ATP1B4: variants seen among roughly 807,000 people sequenced by gnomAD.
The protein encoded by ATP1B4 is ATPase Na+/K+ transporting family member beta 4.
In ATP1B4, 32 loss-of-function variants were observed where a neutral mutation model predicts 29.6. The observed-to-expected ratio is 1.08, with a 90% CI of 0.82 to 1.45. The LOEUF is 1.45. Ranked by LOEUF, ATP1B4 falls within the 40% of genes most tolerant of loss-of-function variation. The pLI, the probability that ATP1B4 is intolerant of heterozygous loss-of-function variation, is 0.00. For missense variants in ATP1B4, 323 were observed against 276.2 expected, an observed-to-expected ratio of 1.17 and a Z score of -1.20; for synonymous variants, 127 against 102.1, an observed-to-expected ratio of 1.24 and a Z score of -1.47.
rs1419655828 is a variant in ATP1B4 at position 120,382,873 on chromosome X, T to G, written c.*3239T>G. The G allele has an allele frequency of 8.9e-6, 1 of 112,210 alleles. No homozygotes were observed. Among genetic ancestry groups the G allele is most frequent in the Non-Finnish European group, 1.9e-5 (1 of 53,235 alleles). 9.2% of individuals were successfully genotyped at this position (112,210 alleles called of 1,213,427 possible). A position where few individuals can be genotyped will look rare whatever the true frequency, so the allele number is the denominator to read the frequency against. The stretch of plus-strand genomic sequence containing the variant: ...CAGCTAGGACATGAAAAATGTAGGT[T>G]TACTATACAGAACTGGATATGATAA... On this transcript the variant is annotated 3_prime_UTR_variant, in exon 8 of 8. Transcript: ENST00000218008.
In ATP1B4 at chrX:120,382,819, T is replaced by C. The variant is rs1226597864; in HGVS notation, c.*3185T>C. On this transcript the variant is annotated 3_prime_UTR_variant, in exon 8 of 8. Coordinates refer to ENST00000218008, the MANE Select transcript of ATP1B4 (RefSeq NM_001142447.3). ...TTGTGTCCACAATTGCAAAGCAATA[T>C]TGAAGGGTACTAAGATAGTTTGGGT... 8.9e-6 allele frequency: 1 copy of C among 112,250 alleles called. No homozygotes were observed. Among genetic ancestry groups the C allele is most frequent in the Non-Finnish European group, 1.9e-5 (1 of 53,202 alleles). 9.3% of individuals were successfully genotyped at this position (112,250 alleles called of 1,213,427 possible).
At chrX:120,365,783 A>G (rs1301379659) in intron 1 of ATP1B4, among the ~76,000 whole-genome samples, 1 of 112,420 alleles carries the variant, frequency 8.9e-6, no homozygotes, top group African/African-American at 3.2e-5. Context: ...GGCTGCAATC[A>G]GTCAATCAAC....
At chrX:120,373,952 C>T (rs1224837395) in intron 4 of ATP1B4, among the ~76,000 whole-genome samples, 1 of 109,387 alleles carries the variant, frequency 9.1e-6, no homozygotes, top group Non-Finnish European at 1.9e-5. Flanking sequence ...TTCCACTTTC[C>T]TTCTGTCTCA....
intron 1 of ATP1B4, among the ~76,000 whole-genome samples, chrX:120,363,299 AC>A (rs1486368448): frequency 8.9e-6 from 1 of 112,268 alleles, no homozygotes; most frequent in African/African-American, 3.2e-5. Flanking sequence ...AATTTGAAGA[AC>A]CGTTTAACTT....
chrX:120,371,304 C>G, intron 4 of ATP1B4, 94 bp downstream of exon 4: 1 of 664,318 alleles, frequency 1.5e-6, no homozygotes, highest in Non-Finnish European at 2.4e-6. Context: ...GAATCCCAGT[C>G]TTACTAACCC....
In ATP1B4 at chrX:120,378,692, TG is replaced by T. The variant is rs1422715213; in HGVS notation, c.832del (p.Asp278ThrfsTer25). 1 of 1,208,188 alleles carries T rather than the reference TG, an allele frequency of 8.3e-7. No homozygotes were observed. Among genetic ancestry groups the T allele is most frequent in the African/African-American group, 1.8e-5 (1 of 56,935 alleles). On this transcript the variant is annotated frameshift_variant, in exon 7 of 8. Coordinates refer to ENST00000218008, the MANE Select transcript of ATP1B4 (RefSeq NM_001142447.3). LOFTEE classifies it high-confidence loss of function. ...TTTGCTTACAGAGAGGTGATGAAAA[TG>T]ACATCCGATCCATCAGTTACTACCC... ...SCKVQRGDENDIRSISYYPES... is the reference protein window; with the variant it reads ...SCKVQRGDENXIRSISYYPES...
Position 120,379,682 on chromosome X carries a change from T to C in ATP1B4, c.*48T>C. On this transcript the variant is annotated 3_prime_UTR_variant, in exon 8 of 8. Coordinates refer to ENST00000218008, the MANE Select transcript of ATP1B4 (RefSeq NM_001142447.3). ...CCAGTTCTGTTTCTGTTTTATCTCA[T>C]GGTATCTCTGGTAGCACCTGAATTC... 5 of 1,112,215 alleles carry C rather than the reference T, an allele frequency of 4.5e-6. No homozygotes were observed. Among genetic ancestry groups the C allele is most frequent in the Non-Finnish European group, 6.0e-6 (5 of 829,706 alleles). The allele number at this position is 1,112,215 out of a possible 1,213,427, so 91.7% of individuals were successfully genotyped here.
At position 120,370,832 on chromosome X, in the gene ATP1B4, T is replaced by G; in HGVS notation, c.446T>G (p.Val149Gly). 1 of 1,210,427 alleles carries G rather than the reference T, an allele frequency of 8.3e-7. No homozygotes were observed. ...SPYIPTFTERVKPPGVMIRPF... is the reference protein window; with the variant it reads ...SPYIPTFTERGKPPGVMIRPF... ...TATATACCAACCTTCACGGAGCGGG[T>G]AAAGCCTCCTGGTGAGTGTGCCCAG... Residue 149 changes from valine (V) to glycine (G), a missense_variant, in exon 3 of 8, where the codon GTA becomes GGA. Coordinates refer to ENST00000218008, the MANE Select transcript of ATP1B4 (RefSeq NM_001142447.3).
intron 2 of ATP1B4, among the ~76,000 whole-genome samples, chrX:120,367,463 A>G (rs1397447820): frequency 9.0e-6 from 1 of 111,686 alleles, no homozygotes; most frequent in African/African-American, 3.3e-5. Context: ...ACATGCTGCC[A>G]TTATTTTTAC....
Position 120,371,205 on chromosome X carries a change from T to C in ATP1B4, c.557T>C (p.Leu186Pro). The C allele has an allele frequency of 8.3e-7, 1 of 1,199,271 alleles. No individual in the cohort carries two copies. The highest frequency in any genetic ancestry group is 1.8e-5 in the South Asian group (1 of 56,685). ...TATGTGATTAGCCTAAATGGCTTTC[T>C]CCAGGGTAAGTAAGTTCGTCTGAAT... is the stretch of plus-strand genomic sequence containing the variant. ...QHYVISLNGF[L>P]QGYNDSLQEE... Residue 186 changes from leucine (L) to proline (P), a missense_variant, in exon 4 of 8, where the codon CTC (leucine) becomes CCC (proline). Transcript: ENST00000218008.
chrX:120,376,996 T>C lies in ATP1B4; in HGVS notation c.816+560T>C, dbSNP rs894102324. On this transcript the variant is annotated intron_variant, in intron 6 of 7. Transcript: ENST00000218008. ...TAACTTCTATCTCATCTGCACCAAT[T>C]AGCTCCCTTGTAGGAAAAAGCCCTT... Among the ~76,000 whole-genome samples, 5 of 112,096 alleles carry C rather than the reference T, an allele frequency of 4.5e-5. No homozygotes were observed. In the East Asian group the frequency reaches 1.4e-3, roughly 31 times the overall value.
rs184269379 is a variant in ATP1B4 at position 120,367,142 on chromosome X, A to G, written c.328+353A>G. On this transcript the variant is annotated intron_variant, in intron 2 of 7. Transcript: ENST00000218008. ...TCATCATTTCCCCTCTCTGAGCCTC[A>G]GTTTCCTCACATGCCAAATGAGGAA... 3.6e-3 allele frequency among the ~76,000 whole-genome samples: 404 copies of G among 112,376 alleles called. 3 individuals are homozygous for G. Among genetic ancestry groups the G allele is most frequent in the Admixed American group, 7.6e-3 (81 of 10,663 alleles).
At chrX:120,365,641 T>C (rs1467986617) in intron 1 of ATP1B4, among the ~76,000 whole-genome samples, 3 of 112,408 alleles carry the variant, frequency 2.7e-5, no homozygotes, top group Non-Finnish European at 5.6e-5. Flanking sequence ...AAGATACAAC[T>C]CTCTGGCCTG....
At chrX:120,375,866 G>T (rs2058351866) in intron 5 of ATP1B4, among the ~76,000 whole-genome samples, 1 of 110,638 alleles carries the variant, frequency 9.0e-6, no homozygotes, top group Non-Finnish European at 1.9e-5. Flanking sequence ...TACTCGGGAG[G>T]CTGAGGAAGG....
intron 1 of ATP1B4, among the ~76,000 whole-genome samples, chrX:120,362,939 C>T (rs766072757): frequency 2.3e-4 from 26 of 112,805 alleles, no homozygotes; most frequent in Non-Finnish European, 3.2e-4. Flanking sequence ...CTGACTGCCA[C>T]CCCACACTGC....
At chrX:120,376,916 G>A (rs190891330) in intron 6 of ATP1B4, among the ~76,000 whole-genome samples, 2 of 112,455 alleles carry the variant, frequency 1.8e-5, no homozygotes, top group Non-Finnish European at 3.8e-5. Flanking sequence ...GACTACATGG[G>A]AAGTATAAAC....
chrX:120,368,480 A>G, intron 2 of ATP1B4, among the ~76,000 whole-genome samples: 1 of 111,322 alleles, frequency 9.0e-6, no homozygotes, highest in Middle Eastern at 4.6e-3. Context: ...ATTCTTGGAA[A>G]CTCTATGTTA....
At position 120,362,777 on chromosome X, in the gene ATP1B4, G is replaced by C. The variant is rs181896239; in HGVS notation, c.63+546G>C. ...CAGAACCCCTCATTACCTAAAGGAG[G>C]CTGCTGTGGCTCAGAGTACAGGAGT... On this transcript the variant is annotated intron_variant, in intron 1 of 7. Coordinates refer to ENST00000218008, the MANE Select transcript of ATP1B4 (RefSeq NM_001142447.3). Among the ~76,000 whole-genome samples, 298 of 112,100 alleles carry C rather than the reference G, an allele frequency of 2.7e-3. 3 individuals are homozygous for C. Among genetic ancestry groups the C allele is most frequent in the African/African-American group, 9.0e-3 (278 of 30,885 alleles).
chrX:120,372,544 T>G (rs1168025767), intron 4 of ATP1B4, among the ~76,000 whole-genome samples: 3 of 111,931 alleles, frequency 2.7e-5, no homozygotes, highest in Non-Finnish European at 3.8e-5. Context: ...CATTTCTTGT[T>G]CTTTACACTC....
Sources: gnomAD v4.1 joint callset for allele counts (sites outside exome capture counted in the v4.1 genomes callset) on GRCh38, gnomAD v4.1.1 for gene constraint, MANE v1.5 for transcripts, NCBI Gene and HGNC (gene_info 2026-07-23, HGNC 2026-07-21) for gene names.